Variants in CLOCK observed in about 807,000 individuals in gnomAD.
CLOCK encodes clock circadian regulator.
In CLOCK, 43 loss-of-function variants were observed where a neutral mutation model predicts 118.4. The observed-to-expected ratio is 0.36, with a 90% CI of 0.28 to 0.47. The LOEUF (loss-of-function observed/expected upper bound fraction) is 0.47, where lower values mean the gene tolerates loss of function less well. Among genes scored for constraint, CLOCK ranks in the 20% least tolerant of loss-of-function variants. The pLI is 1.00. For missense variants in CLOCK, 846 were observed against 999.9 expected (o/e 0.85, Z 2.08); for synonymous variants, 326 against 339.2 (o/e 0.96, Z 0.43).
At chr4:55,495,693 T>C (rs1280113585) in intron 2 of CLOCK, among the ~76,000 whole-genome samples, 1 of 152,036 alleles carries the variant, frequency 6.6e-6, no homozygotes, top group Non-Finnish European at 1.5e-5. Flanking sequence ...GCCAGTGAGT[T>C]CCTTGATCTC....
intron 2 of CLOCK, among the ~76,000 whole-genome samples, chr4:55,503,978 T>TAAAAAAAAAAAAAAAA: frequency 2.8e-5 from 2 of 71,148 alleles, no homozygotes; most frequent in Non-Finnish European, 5.1e-5. Flanking sequence ...CAAAAAGAGG[T>TAAAAAAAAAAAAAAAA]AAAAAAAAAA....
At chr4:55,463,663 T>C in intron 9 of CLOCK, 22 bp downstream of exon 9, 2 of 1,612,414 alleles carry the variant, frequency 1.2e-6, no homozygotes, top group Non-Finnish European at 1.7e-6. Context: ...TTTGACTTTT[T>C]TGCTTAACAG....
At chr4:55,534,929 AT>A (rs34133453) in intron 1 of CLOCK, among the ~76,000 whole-genome samples, 42,062 of 134,052 alleles carry the variant, frequency 0.31, 5,159 homozygotes, top group East Asian at 0.51. Flanking sequence ...TAAAGTGAGA[AT>A]TTTTTTTTTT....
rs573301996 is a variant in CLOCK at position 55,458,787 on chromosome 4, ATT to A, written c.792+103_792+104del. ...TCGTTTCAAAAATATTATCATGCAT[ATT>A]TAATGACTCATAGCCATTCCACCTC... On this transcript the variant is annotated intron_variant, in intron 11 of 22. Transcript: ENST00000513440. The A allele has an allele frequency of 2.3e-4, 172 of 755,148 alleles. No individual in the cohort carries two copies. The African/African-American group carries it at 2.5e-3, about 11-fold the overall frequency. The allele number at this position is 755,148 out of a possible 1,614,324, so 46.8% of individuals were successfully genotyped here. A position where few individuals can be genotyped will look rare whatever the true frequency, so the allele number is the denominator to read the frequency against.
At chr4:55,470,864 A>T in intron 7 of CLOCK, 58 bp from the exon 8 acceptor site, 1 of 1,242,814 alleles carries the variant, frequency 8.0e-7, no homozygotes, top group Non-Finnish European at 1.2e-6. Context: ...TGCAGGACAG[A>T]AATAAAAATT....
Position 55,431,277 on chromosome 4 carries a change from G to A in CLOCK, c.*4138C>T, listed in dbSNP as rs1001220704. On this transcript the variant is annotated 3_prime_UTR_variant, in exon 23 of 23. Transcript: ENST00000513440. ...CTGACAATAGGCACATTACCCATGC[G>A]GATGAGGCTATACTAGTGCTATGGC... is the stretch of plus-strand genomic sequence containing the variant. 2.0e-5 allele frequency: 3 copies of A among 152,104 alleles called. No individual in the cohort carries two copies. Among genetic ancestry groups the A allele is most frequent in the Non-Finnish European group, 2.9e-5 (2 of 68,040 alleles). 9.4% of individuals were successfully genotyped at this position (152,104 alleles called of 1,614,324 possible).
Position 55,489,097 on chromosome 4 carries a change from T to G in CLOCK, c.-44+277A>C, listed in dbSNP as rs533521211. ...GTACAAACCACAAATTTCTCACTTG[T>G]GTATTATTTGTGTTTCTCACTTGTG... On this transcript the variant is annotated intron_variant, in intron 3 of 22. Transcript: ENST00000513440. Among the ~76,000 whole-genome samples the G allele has an allele frequency of 7.9e-5, 12 of 152,330 alleles. No individual in the cohort carries two copies. In the South Asian group the frequency reaches 2.5e-3, roughly 32 times the overall value.
intron 21 of CLOCK, among the ~76,000 whole-genome samples, chr4:55,440,248 A>G (rs1723247652): frequency 6.6e-6 from 1 of 152,206 alleles, no homozygotes; most frequent in Admixed American, 6.5e-5. Context: ...CAGTGAATAA[A>G]AACTCCTCTC....
chr4:55,541,142 T>C (rs1396693376), intron 1 of CLOCK, among the ~76,000 whole-genome samples: 1 of 152,170 alleles, frequency 6.6e-6, no homozygotes, highest in Non-Finnish European at 1.5e-5. Context: ...TAATTCAACA[T>C]TTGCATAATC....
chr4:55,442,554 C>T lies in CLOCK; in HGVS notation c.1983G>A (p.Leu661=). The change falls in exon 21 of 23, where the codon CTG becomes CTA. Residue 661 remains leucine (L), a synonymous_variant. Coordinates refer to ENST00000513440, the MANE Select transcript of CLOCK (RefSeq NM_004898.4). ...GCTGAGAAATCACCATAGTGTTATA[C>T]AGTGGGGCTGTAAGAGTGCTCTGTG... ...SQTQSTLTAP[L]YNTMVISQPA... The T allele has an allele frequency of 6.2e-7, 1 of 1,611,370 alleles. No individual in the cohort carries two copies. The highest frequency in any genetic ancestry group is 8.5e-7 in the Non-Finnish European group (1 of 1,179,574).
chr4:55,457,523 A>G (rs1365874522), intron 11 of CLOCK, among the ~76,000 whole-genome samples: 2 of 152,218 alleles, frequency 1.3e-5, no homozygotes, highest in Non-Finnish European at 1.5e-5. Context: ...CTCAAATATT[A>G]TATGACTTCC....
chr4:55,543,895 TC>T (rs1731441818), intron 1 of CLOCK, among the ~76,000 whole-genome samples: 1 of 151,954 alleles, frequency 6.6e-6, no homozygotes, highest in Non-Finnish European at 1.5e-5. Flanking sequence ...AACCTACATA[TC>T]AAACAGAAAT....
At chr4:55,518,962 GC>G (rs1036663944) in intron 1 of CLOCK, among the ~76,000 whole-genome samples, 1 of 151,976 alleles carries the variant, frequency 6.6e-6, no homozygotes, top group East Asian at 1.9e-4. Flanking sequence ...CTTATATTCT[GC>G]CCCCCACCCA....
At chr4:55,538,526 T>A (rs921432945) in intron 1 of CLOCK, among the ~76,000 whole-genome samples, 3 of 152,084 alleles carry the variant, frequency 2.0e-5, no homozygotes, top group African/African-American at 4.8e-5. Context: ...ATAGAAAATA[T>A]CCAAACAGAG....
chr4:55,524,306 G>A (rs560805586), intron 1 of CLOCK, among the ~76,000 whole-genome samples: 1 of 152,130 alleles, frequency 6.6e-6, no homozygotes, highest in East Asian at 1.9e-4. Flanking sequence ...GGAGGCTGAG[G>A]CAGAATTGCT....
At chr4:55,492,699 G>T (rs1727798849) in intron 2 of CLOCK, among the ~76,000 whole-genome samples, 1 of 152,056 alleles carries the variant, frequency 6.6e-6, no homozygotes, top group African/African-American at 2.4e-5. Flanking sequence ...ATAAAAATTA[G>T]CTGGGCATGG....
intron 8 of CLOCK, among the ~76,000 whole-genome samples, chr4:55,468,628 T>G (rs1370794913): frequency 6.6e-6 from 1 of 152,208 alleles, no homozygotes; most frequent in Non-Finnish European, 1.5e-5. Flanking sequence ...AGTAATTCTA[T>G]TGAGAAAAAT....
chr4:55,439,843 G>A (rs1195306990), intron 21 of CLOCK, among the ~76,000 whole-genome samples: 1 of 152,130 alleles, frequency 6.6e-6, no homozygotes, highest in Non-Finnish European at 1.5e-5. Context: ...GGTGGTTGGG[G>A]AGAGAAGAAT....
intron 7 of CLOCK, among the ~76,000 whole-genome samples, chr4:55,472,553 C>G (rs943866523): frequency 8.5e-5 from 13 of 152,096 alleles, no homozygotes; most frequent in South Asian, 2.1e-4. Flanking sequence ...AAATGGCTCT[C>G]GAAAAGGATA....
Sources: gnomAD v4.1 joint callset for allele counts (sites outside exome capture counted in the v4.1 genomes callset) on GRCh38, gnomAD v4.1.1 for gene constraint, MANE v1.5 for transcripts, NCBI Gene and HGNC (gene_info 2026-07-23, HGNC 2026-07-21) for gene names.